Variants in ADAT1 observed in about 807,000 individuals in gnomAD.
ADAT1 encodes adenosine deaminase tRNA specific 1.
ADAT1 carries 58 observed loss-of-function variants against 58.6 expected under a neutral mutation model. The observed-to-expected ratio is 0.99, with a 90% CI of 0.80 to 1.23. The LOEUF is 1.23. Ranked by LOEUF, ADAT1 falls within the 50% of genes most tolerant of loss-of-function variation. The pLI, the probability that ADAT1 is intolerant of heterozygous loss-of-function variation, is 0.00. For missense variants in ADAT1, 741 were observed against 608.6 expected (o/e 1.22, Z -2.29); for synonymous variants, 254 against 220.8 (o/e 1.15, Z -1.33).
chr16:75,602,995 C>A, intron 9 of ADAT1, 90 bp downstream of exon 9: 3 of 1,186,432 alleles, frequency 2.5e-6, no homozygotes, highest in Non-Finnish European at 3.7e-6. Context: ...TGCTGAACCA[C>A]CACTCCTGCC....
Position 75,603,088 on chromosome 16 carries a change from AG to A in ADAT1, c.1372del (p.Leu458SerfsTer75). 1.2e-6 allele frequency: 2 copies of A among 1,613,630 alleles called. No homozygotes were observed. The highest frequency in any genetic ancestry group is 1.7e-6 in the Non-Finnish European group (2 of 1,179,540). ...RIARDKWPHS[L>X]RVQKLDTYQE... ...AAACATAGGTCAACAGCATCACCTG[AG>A]GGAGTGTGGCCACTTGTCCCTTGCA... On this transcript the variant is annotated frameshift_variant, in exon 9 of 10. Coordinates refer to ENST00000564657, the MANE Select transcript of ADAT1 (RefSeq NM_001324445.2). LOFTEE classifies it high-confidence loss of function.
Position 75,620,207 on chromosome 16 carries a change from G to A in ADAT1, c.238+59C>T, listed in dbSNP as rs79303910. On this transcript the variant is annotated intron_variant, in intron 3 of 9. Transcript: ENST00000564657. Reference sequence around the variant, plus strand: ...TGGCCCCTCTTCCCTGACAAGGAGAGTAAAACATGGACACTGGTTTCAAGC... The same window carrying A: ...TGGCCCCTCTTCCCTGACAAGGAGAATAAAACATGGACACTGGTTTCAAGC... The A allele has an allele frequency of 2.5e-3, 3,897 of 1,557,542 alleles. 100 individuals carry two copies. In the African/African-American group the frequency reaches 0.044, roughly 18 times the overall value.
At chr16:75,601,038 T>C (rs2081215881) in intron 9 of ADAT1, among the ~76,000 whole-genome samples, 1 of 152,110 alleles carries the variant, frequency 6.6e-6, no homozygotes, top group South Asian at 2.1e-4. Flanking sequence ...CTGTCTACTT[T>C]TTTGGTTTAA....
chr16:75,603,490 C>T (rs916872896), intron 8 of ADAT1, among the ~76,000 whole-genome samples: 22 of 152,182 alleles, frequency 1.4e-4, no homozygotes, highest in Admixed American at 3.9e-4. Context: ...TTCAAGGGTG[C>T]TGGCCCCTAT....
chr16:75,599,836 G>A lies in ADAT1; in HGVS notation c.*380C>T, dbSNP rs1312565192. ...TATATTCGCTATGCTAGGCAAAGCT[G>A]TAAAACTTGCAGAGCGTCAAACATC... On this transcript the variant is annotated 3_prime_UTR_variant, in exon 10 of 10. Transcript: ENST00000564657. 4.1e-5 allele frequency: 41 copies of A among 998,802 alleles called. No homozygotes were observed. The highest frequency in any genetic ancestry group is 6.9e-5 in the African/African-American group (4 of 57,612). The allele number at this position is 998,802 out of a possible 1,614,324, so 61.9% of individuals were successfully genotyped here. A position where few individuals can be genotyped will look rare whatever the true frequency, so the allele number is the denominator to read the frequency against.
chr16:75,616,042 C>T (rs944243854), intron 5 of ADAT1, among the ~76,000 whole-genome samples: 2 of 150,774 alleles, frequency 1.3e-5, no homozygotes, highest in Admixed American at 6.6e-5. Context: ...TGAGTCTTGC[C>T]GGGTCATCCA....
intron 8 of ADAT1, 100 bp from the exon 9 acceptor site, chr16:75,603,271 G>A: frequency 2.0e-6 from 2 of 1,000,266 alleles, no homozygotes; most frequent in Non-Finnish European, 3.0e-6. Context: ...AGGTTTGAAG[G>A]TGCCAGAGCC....
intron 8 of ADAT1, 147 bp from the exon 9 acceptor site, chr16:75,603,318 A>C: frequency 3.0e-6 from 2 of 659,176 alleles, no homozygotes; most frequent in South Asian, 3.6e-5. Context: ...GAGAAAATCC[A>C]GACCTGGATG....
chr16:75,604,840 G>C (rs2081328249), intron 8 of ADAT1, among the ~76,000 whole-genome samples: 1 of 152,086 alleles, frequency 6.6e-6, no homozygotes, highest in Non-Finnish European at 1.5e-5. Context: ...AGTCAACACA[G>C]TAAGAGAAAT....
rs1461046710 is a variant in ADAT1, at chr16:75,620,300, T to C, written c.204A>G (p.Thr68=). ...TCATTTTGGACTGTCCTATGCATTT[T>C]GTTCCTGTTCCCATTGACACAACTT... The part of the protein sequence containing the change: ...TKEVVSMGTG[T]KCIGQSKMRK... The change falls in exon 3 of 10, where the codon ACA becomes ACG. Residue 68 remains threonine (T), a synonymous_variant. Coordinates refer to ENST00000564657, the MANE Select transcript of ADAT1 (RefSeq NM_001324445.2). The C allele has an allele frequency of 2.5e-6, 4 of 1,614,226 alleles. No homozygotes were observed. The highest frequency in any genetic ancestry group is 1.1e-5 in the South Asian group (1 of 91,086).
chr16:75,618,663 G>A lies in ADAT1; in HGVS notation c.239-23C>T, dbSNP rs982321591. 3 of 1,612,466 alleles carry A rather than the reference G, an allele frequency of 1.9e-6. No homozygotes were observed. The African/African-American group carries it at 4.0e-5, about 22-fold the overall frequency. ...CTCCTGCGGCAAAGATAGGACACCA[G>A]GTGAAGACATATGGAAGCTGGAGAG... On this transcript the variant is annotated intron_variant, in intron 3 of 9. Coordinates refer to ENST00000564657, the MANE Select transcript of ADAT1 (RefSeq NM_001324445.2).
In ADAT1 at chr16:75,612,380, C is replaced by G; in HGVS notation, c.906G>C (p.Lys302Asn). Residue 302 changes from lysine to asparagine, a missense_variant, in exon 6 of 10, where the codon AAG becomes AAC. By Grantham distance (94) the Lys-to-Asn change is moderately conservative. Transcript: ENST00000564657. The stretch of plus-strand genomic sequence containing the variant: ...ATCCGAGGACGTTCCATCGGGCCAT[C>G]TTGTCACTACAGGACATGGAGCGTG... ...DRTRSMSCSD[K>N]MARWNVLGCQ... The G allele has an allele frequency of 6.2e-7, 1 of 1,614,252 alleles. No homozygotes were observed. Among genetic ancestry groups the G allele is most frequent in the Non-Finnish European group, 8.5e-7 (1 of 1,180,050 alleles).
chr16:75,600,481 G>T, intron 9 of ADAT1, 133 bp from the exon 10 acceptor site: 1 of 1,402,204 alleles, frequency 7.1e-7, no homozygotes. Context: ...GTATGCTTTT[G>T]TGAAAGTTGA....
intron 5 of ADAT1, 58 bp from the exon 6 acceptor site, chr16:75,612,919 C>A (rs1597121643): frequency 6.4e-7 from 1 of 1,553,386 alleles, no homozygotes; most frequent in Non-Finnish European, 8.7e-7. Flanking sequence ...CTGGACCAGC[C>A]ACAATGGGAT....
At chr16:75,603,040 C>T in intron 9 of ADAT1, 45 bp downstream of exon 9, 1 of 1,562,096 alleles carries the variant, frequency 6.4e-7, no homozygotes, top group Non-Finnish European at 8.8e-7. Flanking sequence ...AGAATCAAAA[C>T]AGTTGTCTAC....
intron 4 of ADAT1, 53 bp downstream of exon 4, chr16:75,618,533 C>G: frequency 8.0e-7 from 1 of 1,252,854 alleles, no homozygotes; most frequent in Non-Finnish European, 1.1e-6. Context: ...AAAGTAAATT[C>G]CGGGACTCCC....
In ADAT1 at chr16:75,618,098, C is replaced by CAAAAAA. The variant is rs1163510620; in HGVS notation, c.293+482_293+487dup. ...AGGTAACAGAGCAAGACCCTGTGTC[C>CAAAAAA]AAAAAAAAAAAAAAAAAAAAAAAAA... On this transcript the variant is annotated intron_variant, in intron 4 of 9. Coordinates refer to ENST00000564657, the MANE Select transcript of ADAT1 (RefSeq NM_001324445.2). 5.9e-3 allele frequency among the ~76,000 whole-genome samples: 193 copies of CAAAAAA among 32,498 alleles called. 8 individuals are homozygous for CAAAAAA. Among genetic ancestry groups the CAAAAAA allele is most frequent in the Middle Eastern group, 0.023 (1 of 44 alleles). 21.3% of individuals were successfully genotyped at this position (32,498 alleles called of 152,430 possible).
intron 3 of ADAT1, 114 bp from the exon 4 acceptor site, chr16:75,618,754 G>C: frequency 4.8e-6 from 6 of 1,243,528 alleles, no homozygotes; most frequent in Non-Finnish European, 6.8e-6. Context: ...GTAGCTCCTG[G>C]AGAGCTTTGC....
intron 5 of ADAT1, among the ~76,000 whole-genome samples, chr16:75,614,104 C>A (rs1028696104): frequency 6.6e-6 from 1 of 152,050 alleles, no homozygotes; most frequent in African/African-American, 2.4e-5. Context: ...GCAGAACAAT[C>A]GCTTGAATCC....
Sources: allele counts gnomAD v4.1 joint callset (sites outside exome capture counted in the v4.1 genomes callset), GRCh38; gene constraint gnomAD v4.1.1; transcripts MANE v1.5; gene names NCBI Gene and HGNC (gene_info 2026-07-23, HGNC 2026-07-21).